Variants in HIKESHI observed in about 807,000 individuals in gnomAD.
HIKESHI encodes heat shock protein nuclear import factor hikeshi, also known as protein Hikeshi.
Under a neutral mutation model 25.7 loss-of-function variants are expected in HIKESHI, and 13 were observed. The observed-to-expected ratio is 0.51, with a 90% confidence interval of 0.33 to 0.80. HIKESHI has a LOEUF of 0.80. Among genes scored for constraint, HIKESHI ranks in the 30% least tolerant of loss-of-function variants. HIKESHI has a pLI of 0.02. For synonymous variants in HIKESHI, 76 were observed against 78.7 expected, an observed-to-expected ratio of 0.97 and a Z score of 0.18; for missense variants, 174 against 229.5, an observed-to-expected ratio of 0.76 and a Z score of 1.56.
intron 2 of HIKESHI, among the ~76,000 whole-genome samples, chr11:86,327,367 C>T (rs555438384): frequency 3.3e-5 from 5 of 151,344 alleles, no homozygotes; most frequent in South Asian, 4.2e-4. Context: ...CAGGCTAGAG[C>T]GTAGTGGCGC....
chr11:86,304,667 C>T (rs1043268302), intron 1 of HIKESHI, among the ~76,000 whole-genome samples: 17 of 152,172 alleles, frequency 1.1e-4, no homozygotes, highest in Middle Eastern at 3.4e-3. Context: ...AGGCATGTGC[C>T]CCCATGCCCA....
chr11:86,325,980 C>G (rs192225454), intron 2 of HIKESHI, among the ~76,000 whole-genome samples: 11 of 151,944 alleles, frequency 7.2e-5, no homozygotes, highest in African/African-American at 2.7e-4. Context: ...TGGTTTTAGT[C>G]TGTAATGTGG....
intron 2 of HIKESHI, among the ~76,000 whole-genome samples, chr11:86,314,121 C>A (rs954205939): frequency 6.6e-6 from 1 of 152,072 alleles, no homozygotes; most frequent in Non-Finnish European, 1.5e-5. Context: ...ATATTTGCTT[C>A]GACTCTGAAG....
At chr11:86,311,918 T>C (rs1321213013) in intron 2 of HIKESHI, among the ~76,000 whole-genome samples, 1 of 152,224 alleles carries the variant, frequency 6.6e-6, no homozygotes, top group Non-Finnish European at 1.5e-5. Context: ...CCCTGTGGTC[T>C]GAGAGACAGT....
chr11:86,320,973 TG>T (rs1947133602), intron 2 of HIKESHI, among the ~76,000 whole-genome samples: 1 of 152,178 alleles, frequency 6.6e-6, no homozygotes, highest in Admixed American at 6.5e-5. Context: ...CTCACACTGT[TG>T]CTCAGGCTGG....
intron 2 of HIKESHI, among the ~76,000 whole-genome samples, chr11:86,318,979 A>G (rs939776450): frequency 1.2e-4 from 19 of 152,090 alleles, no homozygotes; most frequent in African/African-American, 4.6e-4. Context: ...TGCAATGTCC[A>G]CATTATAGCT....
At chr11:86,313,443 G>T (rs1295738431) in intron 2 of HIKESHI, among the ~76,000 whole-genome samples, 1 of 152,102 alleles carries the variant, frequency 6.6e-6, no homozygotes, top group Admixed American at 6.6e-5. Flanking sequence ...TGTCAGCCAG[G>T]CTGGTCTTGA....
intron 2 of HIKESHI, among the ~76,000 whole-genome samples, chr11:86,329,070 C>T (rs999488942): frequency 2.6e-5 from 4 of 151,528 alleles, no homozygotes; most frequent in African/African-American, 7.3e-5. Flanking sequence ...TCTTTTCCTC[C>T]ACTCCTTTCC....
At chr11:86,303,365 A>G (rs1946543446) in intron 1 of HIKESHI, 1 of 975,998 alleles carries the variant, frequency 1.0e-6, no homozygotes, top group Non-Finnish European at 1.2e-6. Flanking sequence ...AGTTCTAAGA[A>G]GCCAGAAAGA....
intron 3 of HIKESHI, among the ~76,000 whole-genome samples, chr11:86,342,150 G>A (rs117619641): frequency 1.3e-5 from 2 of 151,932 alleles, no homozygotes; most frequent in African/African-American, 2.4e-5. Flanking sequence ...GGCTGTGTTT[G>A]TATTTCCTTT....
chr11:86,344,949 T>A, intron 4 of HIKESHI: 1 of 529,762 alleles, frequency 1.9e-6, no homozygotes, highest in Non-Finnish European at 3.1e-6. Context: ...GAAAATATAG[T>A]TGCCTATGTT....
At chr11:86,316,618 A>G (rs1199299936) in intron 2 of HIKESHI, among the ~76,000 whole-genome samples, 1 of 152,172 alleles carries the variant, frequency 6.6e-6, no homozygotes, top group African/African-American at 2.4e-5. Context: ...CAACTTTATC[A>G]GTTGTATAAA....
intron 3 of HIKESHI, among the ~76,000 whole-genome samples, chr11:86,341,488 C>CTTTTTTTTTTTTTTTTTTTTTTTTT (rs112151717): frequency 7.0e-6 from 1 of 142,810 alleles, no homozygotes. Context: ...TGGAATTCTC[C>CTTTTTTTTTTTTTTTTTTTTTTTTT]TTTTTTTTTT....
chr11:86,343,564 G>C (rs1947790462), intron 3 of HIKESHI: 1 of 152,380 alleles, frequency 6.6e-6, no homozygotes, highest in Admixed American at 6.5e-5. Flanking sequence ...GAGCCTGGGA[G>C]ATCAAGGCTA....
intron 2 of HIKESHI, among the ~76,000 whole-genome samples, chr11:86,318,974 T>C (rs1428090413): frequency 7.2e-5 from 11 of 152,134 alleles, no homozygotes; most frequent in Non-Finnish European, 1.5e-5. Flanking sequence ...TGGAGTGCAA[T>C]GTCCACATTA....
intron 3 of HIKESHI, among the ~76,000 whole-genome samples, chr11:86,339,502 C>T (rs1367893800): frequency 1.3e-5 from 2 of 152,210 alleles, no homozygotes; most frequent in African/African-American, 4.8e-5. Flanking sequence ...TTATTTGCCA[C>T]TAATTTTTAA....
intron 2 of HIKESHI, among the ~76,000 whole-genome samples, chr11:86,316,857 A>C (rs1474596844): frequency 2.3e-5 from 3 of 128,960 alleles, no homozygotes; most frequent in African/African-American, 9.0e-5. Context: ...GCAGTGGCAC[A>C]GTCTCGGCTC....
intron 2 of HIKESHI, 41 bp downstream of exon 2, chr11:86,306,523 C>A (rs1376169469): frequency 4.0e-6 from 5 of 1,263,644 alleles, no homozygotes; most frequent in Middle Eastern, 3.9e-4. Flanking sequence ...ATTAATCAAA[C>A]TTTTTTCTTA....
chr11:86,335,391 C>A (rs1947528622), intron 2 of HIKESHI, among the ~76,000 whole-genome samples: 1 of 152,142 alleles, frequency 6.6e-6, no homozygotes, highest in Non-Finnish European at 1.5e-5. Context: ...GAATGAGATG[C>A]TTTGGGGAAT....
Sources: allele counts gnomAD v4.1 joint callset (sites outside exome capture counted in the v4.1 genomes callset), GRCh38; gene constraint gnomAD v4.1.1; transcripts MANE v1.5; gene names NCBI Gene and HGNC (gene_info 2026-07-23, HGNC 2026-07-21).